ZFHX3: variants seen among roughly 807,000 people sequenced by gnomAD.
ZFHX3 encodes zinc finger homeobox 3.
A neutral mutation model predicts 279.1 loss-of-function variants in ZFHX3; 42 were observed. The ratio of observed to expected loss-of-function variants is 0.15; its 90% CI spans 0.12 to 0.19. ZFHX3 has a LOEUF of 0.19. Among genes scored for constraint, ZFHX3 ranks in the 10% least tolerant of loss-of-function variants. The pLI, the probability that ZFHX3 is intolerant of heterozygous loss-of-function variation, is 1.00. For missense variants in ZFHX3, 4,981 were observed against 4,754.0 expected (o/e 1.05, Z -1.40); for synonymous variants, 2,293 against 1,957.8 (o/e 1.17, Z -4.52).
chr16:73,244,607 C>A (rs940041587), intron 5 of ZFHX3, among the ~76,000 whole-genome samples: 39 of 152,156 alleles, frequency 2.6e-4, no homozygotes, highest in African/African-American at 9.2e-4. Context: ...AATTTCAACC[C>A]GAAGCAGACA....
At position 73,285,270 on chromosome 16, in the gene ZFHX3, C is replaced by T. The variant is rs936228565; in HGVS notation, c.-1193-28134G>A. ...GCTCTGTGAGGCAGTGCCCACAAGG[C>T]GATGAGGTCCACATAACAACTCGAA... is the stretch of plus-strand genomic sequence containing the variant. On this transcript the variant is annotated intron_variant, in intron 4 of 17. Coordinates refer to the ZFHX3 transcript ENST00000641206. Among the ~76,000 whole-genome samples the T allele has an allele frequency of 2.6e-5, 4 of 152,092 alleles. No homozygotes were observed. The East Asian group carries it at 5.8e-4, about 22-fold the overall frequency.
chr16:73,645,757 TA>T (rs1463141189), intron 2 of ZFHX3, among the ~76,000 whole-genome samples: 7 of 152,224 alleles, frequency 4.6e-5, no homozygotes, highest in Admixed American at 4.6e-4. Context: ...CCATTTGGTT[TA>T]ATTTCCTGGC....
chr16:72,958,038 T>C lies in ZFHX3; in HGVS notation c.2108A>G (p.Tyr703Cys). The change falls in exon 2 of 10, where the codon TAC (tyrosine) becomes TGC (cysteine). Residue 703 changes from tyrosine to cysteine, a missense_variant. Around this residue, in one of 7 missense-constraint regions of ZFHX3, gnomAD observed 39 missense variants for 68.2 expected, o/e 0.57. Transcript: ENST00000268489. ...KHPEPGGSCV[Y>C]CKSGQPHPRL... Reference sequence around the variant, plus strand: ...GGGGTGGGGCTGCCCGCTTTTGCAGTAGACACAGGAGCCCCCCGGCTCCGG... The same window carrying C: ...GGGGTGGGGCTGCCCGCTTTTGCAGCAGACACAGGAGCCCCCCGGCTCCGG... 1 of 1,613,672 alleles carries C rather than the reference T, an allele frequency of 6.2e-7. No individual in the cohort carries two copies. The highest frequency in any genetic ancestry group is 8.5e-7 in the Non-Finnish European group (1 of 1,180,020).
At chr16:73,347,268 T>A (rs2016141494) in intron 3 of ZFHX3, among the ~76,000 whole-genome samples, 1 of 152,226 alleles carries the variant, frequency 6.6e-6, no homozygotes, top group Non-Finnish European at 1.5e-5. Context: ...ACTGGGAGTA[T>A]CCTCAGCCCG....
chr16:73,548,381 A>C (rs1286545494), intron 2 of ZFHX3, among the ~76,000 whole-genome samples: 5 of 152,188 alleles, frequency 3.3e-5, no homozygotes, highest in African/African-American at 1.2e-4. Context: ...ACTAAATTCA[A>C]AAAAGACCTT....
chr16:73,821,625 C>G (rs1960742572), intron 1 of ZFHX3, among the ~76,000 whole-genome samples: 1 of 152,242 alleles, frequency 6.6e-6, no homozygotes, highest in South Asian at 2.1e-4. Context: ...GGTAGCCTAC[C>G]TAGGACCTGT....
chr16:73,025,221 C>T (rs972404989), intron 1 of ZFHX3, among the ~76,000 whole-genome samples: 1 of 152,096 alleles, frequency 6.6e-6, no homozygotes, highest in East Asian at 1.9e-4. Flanking sequence ...TTCCCCTCCC[C>T]ACAACGACCG....
At chr16:73,804,071 C>T (rs146910657) in intron 1 of ZFHX3, among the ~76,000 whole-genome samples, 4 of 152,152 alleles carry the variant, frequency 2.6e-5, no homozygotes, top group Admixed American at 6.5e-5. Context: ...GTGGGAAGAT[C>T]ACTTTAGCCT....
chr16:72,787,262 A>C lies in ZFHX3; in HGVS notation c.11014T>G (p.Ser3672Ala). ...TCCACCGGGCTCGCCGGTCCGTCGG[A>C]CTTTTGGCTGAGATCCGTGTCAGAC... ...EESDTDLSQK[S>A]DGPASPVEGP... Residue 3672 changes from serine (S) to alanine (A), a missense_variant, in exon 10 of 10, where the codon TCC (serine) becomes GCC (alanine). Ser to Ala is a moderately conservative substitution (Grantham distance 99). Around this residue, in one of 7 missense-constraint regions of ZFHX3, gnomAD observed 1,034 missense variants for 786.0 expected, o/e 1.32. Transcript: ENST00000268489. The C allele has an allele frequency of 6.2e-7, 1 of 1,613,920 alleles. No homozygotes were observed. The highest frequency in any genetic ancestry group is 2.2e-5 in the East Asian group (1 of 44,850).
chr16:72,982,920 C>G (rs998700163), intron 1 of ZFHX3, among the ~76,000 whole-genome samples: 15 of 152,210 alleles, frequency 9.9e-5, no homozygotes, highest in Non-Finnish European at 2.1e-4. Flanking sequence ...GGAGGCTGAA[C>G]TCAGAGGAGC....
chr16:73,649,287 T>C (rs1375776668), intron 2 of ZFHX3, among the ~76,000 whole-genome samples: 1 of 152,094 alleles, frequency 6.6e-6, no homozygotes, highest in Non-Finnish European at 1.5e-5. Flanking sequence ...AAAAGACTTC[T>C]GGCTTGGCTT....
chr16:73,681,385 G>A (rs907727530), intron 1 of ZFHX3, among the ~76,000 whole-genome samples: 5 of 152,292 alleles, frequency 3.3e-5, no homozygotes, highest in South Asian at 2.1e-4. Context: ...AGTAAATTTT[G>A]AAAGTAAAAG....
At chr16:73,072,444 CA>C (rs71156138) in intron 8 of ZFHX3, among the ~76,000 whole-genome samples, 90,296 of 97,816 alleles carry the variant, frequency 0.92, 41,504 homozygotes, top group Middle Eastern at 0.96. Flanking sequence ...AACTCCGTCT[CA>C]AAAAAAAAAA....
At chr16:73,206,893 C>T (rs1039349874) in intron 5 of ZFHX3, among the ~76,000 whole-genome samples, 1 of 151,856 alleles carries the variant, frequency 6.6e-6, no homozygotes, top group East Asian at 1.9e-4. Context: ...TGGCGGGTAC[C>T]TGTAGTTGCA....
At chr16:73,598,705 C>G (rs769778099) in intron 2 of ZFHX3, among the ~76,000 whole-genome samples, 25 of 152,216 alleles carry the variant, frequency 1.6e-4, no homozygotes, top group Non-Finnish European at 2.8e-4. Context: ...CAGGCATGAG[C>G]CACTGTGCCT....
At chr16:73,806,932 C>A (rs751590819) in intron 1 of ZFHX3, among the ~76,000 whole-genome samples, 1 of 152,120 alleles carries the variant, frequency 6.6e-6, no homozygotes, top group Non-Finnish European at 1.5e-5. Context: ...CAAGGGAATG[C>A]GAGCGTTCCA....
At chr16:72,900,438 T>C (rs535649860) in intron 3 of ZFHX3, among the ~76,000 whole-genome samples, 1 of 152,250 alleles carries the variant, frequency 6.6e-6, no homozygotes, top group Non-Finnish European at 1.5e-5. Context: ...GATATTTTAC[T>C]TGCCCTGTCT....
intron 2 of ZFHX3, among the ~76,000 whole-genome samples, chr16:73,613,305 G>C (rs1177912830): frequency 1.3e-5 from 2 of 151,976 alleles, no homozygotes; most frequent in Non-Finnish European, 2.9e-5. Context: ...ATCCACCCAG[G>C]GCCCCCACTC....
chr16:73,608,222 A>G (rs1432077044), intron 2 of ZFHX3, among the ~76,000 whole-genome samples: 1 of 152,214 alleles, frequency 6.6e-6, no homozygotes, highest in East Asian at 1.9e-4. Context: ...TTCTTTGTCC[A>G]CAAACCCTAC....
Sources: allele counts gnomAD v4.1 joint callset (sites outside exome capture counted in the v4.1 genomes callset), GRCh38; gene constraint gnomAD v4.1.1; regional missense constraint gnomAD v4.1.1; transcripts MANE v1.5; gene names NCBI Gene and HGNC (gene_info 2026-07-23, HGNC 2026-07-21).